Variants in MYO5A observed in about 807,000 individuals in gnomAD.
MYO5A encodes myosin VA, also known as unconventional myosin-Va.
In MYO5A, 98 loss-of-function variants were observed where a neutral mutation model predicts 249.7. The observed-to-expected ratio is 0.39, with a 90% CI of 0.33 to 0.46. MYO5A has a LOEUF of 0.46. MYO5A is among the 20% of genes least tolerant of loss of function. The probability of loss-of-function intolerance (pLI) is 0.98; values close to 1 mark genes in which losing one functional copy is unlikely to be tolerated. For synonymous variants in MYO5A, 778 were observed against 810.6 expected, an observed-to-expected ratio of 0.96 and a Z score of 0.68; for missense variants, 1,696 against 2,308.8, an observed-to-expected ratio of 0.73 and a Z score of 5.44.
chr15:52,374,587 G>C (rs1013269443), intron 20 of MYO5A, among the ~76,000 whole-genome samples: 1 of 152,220 alleles, frequency 6.6e-6, no homozygotes, highest in African/African-American at 2.4e-5. Context: ...GAGGCAGATA[G>C]GAGAAGTCAA....
chr15:52,326,391 G>T (rs1042160099), intron 36 of MYO5A, among the ~76,000 whole-genome samples: 1 of 152,146 alleles, frequency 6.6e-6, no homozygotes, highest in African/African-American at 2.4e-5. Flanking sequence ...AAAATAAAAT[G>T]AATTATGTTG....
intron 11 of MYO5A, 33 bp downstream of exon 11, chr15:52,396,283 A>G: frequency 1.7e-6 from 2 of 1,192,140 alleles, no homozygotes; most frequent in Non-Finnish European, 2.5e-6. Flanking sequence ...AATAATTTAT[A>G]GCAGAGTATT....
chr15:52,371,733 G>A (rs1170836674), intron 21 of MYO5A, among the ~76,000 whole-genome samples: 1 of 151,980 alleles, frequency 6.6e-6, no homozygotes, highest in Non-Finnish European at 1.5e-5. Context: ...AGCTGGGTGT[G>A]GTAGTACGTG....
intron 30 of MYO5A, 62 bp from the exon 31 acceptor site, chr15:52,343,259 C>T (rs1014855730): frequency 1.4e-5 from 19 of 1,321,850 alleles, no homozygotes; most frequent in Admixed American, 3.4e-5. Flanking sequence ...GATGAGGTGA[C>T]GATGGTCAAC....
At chr15:52,522,695 C>G (rs764551839) in intron 1 of MYO5A, among the ~76,000 whole-genome samples, 4 of 152,158 alleles carry the variant, frequency 2.6e-5, no homozygotes, top group Non-Finnish European at 5.9e-5. Context: ...AAATTACCTT[C>G]TGAGGTAAGA....
At chr15:52,418,672 T>A (rs1049494292) in intron 4 of MYO5A, among the ~76,000 whole-genome samples, 2 of 150,066 alleles carry the variant, frequency 1.3e-5, no homozygotes, top group African/African-American at 4.9e-5. Flanking sequence ...GGAGTTAAAT[T>A]ATGTAGAAGC....
At chr15:52,453,200 T>C (rs2076054441) in intron 1 of MYO5A, among the ~76,000 whole-genome samples, 1 of 151,770 alleles carries the variant, frequency 6.6e-6, no homozygotes, top group African/African-American at 2.4e-5. Context: ...GCAAATAACA[T>C]ATAAAGGAGT....
At chr15:52,319,927 GT>G (rs1211018181) in intron 38 of MYO5A, among the ~76,000 whole-genome samples, 1 of 152,240 alleles carries the variant, frequency 6.6e-6, no homozygotes, top group African/African-American at 2.4e-5. Flanking sequence ...GAACAAGTGT[GT>G]GTGTCTTGGG....
At chr15:52,449,723 G>C (rs1447997469) in intron 1 of MYO5A, among the ~76,000 whole-genome samples, 1 of 152,202 alleles carries the variant, frequency 6.6e-6, no homozygotes, top group Admixed American at 6.5e-5. Context: ...AGGCTTGCTA[G>C]GCACAGTAGC....
intron 20 of MYO5A, 137 bp downstream of exon 20, chr15:52,375,167 A>C: frequency 2.3e-6 from 2 of 883,254 alleles, no homozygotes; most frequent in South Asian, 3.5e-5. Context: ...TTTTAAAATA[A>C]ATAAATATGC....
At chr15:52,323,679 G>C (rs1188331561) in intron 36 of MYO5A, 2 of 428,762 alleles carry the variant, frequency 4.7e-6, no homozygotes, top group Non-Finnish European at 8.7e-6. Context: ...AAATTAAACT[G>C]ATGCGAATTT....
Position 52,519,925 on chromosome 15 carries a change from T to C in MYO5A, c.27+8855A>G, listed in dbSNP as rs867094994. On this transcript the variant is annotated intron_variant, in intron 1 of 41. Transcript: ENST00000399233. ...TTTGTATTTTTAGTAGAGACAGGGT[T>C]TCACCGTGTTAGCCAAGCTGGTCTC... 8.1e-4 allele frequency among the ~76,000 whole-genome samples: 124 copies of C among 152,202 alleles called. 1 individual carries two copies. Among genetic ancestry groups the C allele is most frequent in the African/African-American group, 2.8e-3 (115 of 41,536 alleles).
chr15:52,356,290 G>A (rs767874238), intron 25 of MYO5A, among the ~76,000 whole-genome samples: 20 of 152,044 alleles, frequency 1.3e-4, no homozygotes, highest in Non-Finnish European at 2.6e-4. Flanking sequence ...TATGAGAACA[G>A]AATAAGCTTT....
At chr15:52,517,359 C>A (rs576312944) in intron 1 of MYO5A, among the ~76,000 whole-genome samples, 89 of 152,262 alleles carry the variant, frequency 5.8e-4, no homozygotes, top group South Asian at 1.5e-3. Context: ...TTTGGTATAC[C>A]CAGATGACTG....
At chr15:52,344,929 C>G (rs2039546665) in intron 30 of MYO5A, among the ~76,000 whole-genome samples, 1 of 152,172 alleles carries the variant, frequency 6.6e-6, no homozygotes, top group African/African-American at 2.4e-5. Flanking sequence ...CAATACAGTT[C>G]TTTCTATATT....
intron 1 of MYO5A, among the ~76,000 whole-genome samples, chr15:52,460,603 C>G: frequency 6.6e-6 from 1 of 152,198 alleles, no homozygotes; most frequent in East Asian, 1.9e-4. Context: ...GCAGTACAGT[C>G]CAGCCTCGGC....
chr15:52,428,246 C>T, intron 3 of MYO5A, 152 bp downstream of exon 3: 3 of 807,690 alleles, frequency 3.7e-6, no homozygotes, highest in Non-Finnish European at 6.1e-6. Context: ...AGCATAAATG[C>T]AACTTGGTAA....
At chr15:52,459,148 T>A (rs920355046) in intron 1 of MYO5A, among the ~76,000 whole-genome samples, 17 of 63,626 alleles carry the variant, frequency 2.7e-4, no homozygotes, top group African/African-American at 1.4e-3. Context: ...TTTCCAGAAA[T>A]TTTTTTTTTT....
chr15:52,523,922 C>T (rs575795490), intron 1 of MYO5A, among the ~76,000 whole-genome samples: 53 of 139,378 alleles, frequency 3.8e-4, no homozygotes, highest in Middle Eastern at 7.5e-3. Context: ...AATACAGTCT[C>T]GACATGAAAA....
Sources: gnomAD v4.1 joint callset for allele counts (sites outside exome capture counted in the v4.1 genomes callset) on GRCh38, gnomAD v4.1.1 for gene constraint, MANE v1.5 for transcripts, NCBI Gene and HGNC (gene_info 2026-07-23, HGNC 2026-07-21) for gene names.